The following TEX10 variants were observed in gnomAD, a reference collection of about 807,000 sequenced individuals.
The protein encoded by TEX10 is testis-expressed protein 10.
In TEX10, 24 loss-of-function variants were observed where a neutral mutation model predicts 104.4. The ratio of observed to expected loss-of-function variants is 0.23; its 90% CI spans 0.17 to 0.32. The LOEUF is 0.32. TEX10 is among the 10% of genes least tolerant of loss of function. The pLI is 1.00. For missense variants in TEX10, 921 were observed against 1,083.9 expected, an observed-to-expected ratio of 0.85 and a Z score of 2.11; for synonymous variants, 396 against 393.4, an observed-to-expected ratio of 1.01 and a Z score of -0.08.
intron 5 of TEX10, among the ~76,000 whole-genome samples, chr9:100,338,384 G>A (rs1835065187): frequency 6.6e-6 from 1 of 152,144 alleles, no homozygotes; most frequent in Non-Finnish European, 1.5e-5. Flanking sequence ...GCCCTATGGG[G>A]TTCTTGCTCT....
intron 2 of TEX10, among the ~76,000 whole-genome samples, chr9:100,348,961 GAAAC>G (rs2118940814): frequency 6.6e-6 from 1 of 152,266 alleles, no homozygotes; most frequent in East Asian, 1.9e-4. Context: ...ATACCAGGGA[GAAAC>G]AACTGTGCAT....
At chr9:100,346,025 A>G (rs1835291182) in intron 4 of TEX10, 47 bp downstream of exon 4, 1 of 1,550,302 alleles carries the variant, frequency 6.5e-7, no homozygotes, top group Non-Finnish European at 8.7e-7. Context: ...GCCATTTATG[A>G]TAAAAGGCTA....
chr9:100,335,692 A>G (rs1367105127), intron 5 of TEX10, among the ~76,000 whole-genome samples: 2 of 151,950 alleles, frequency 1.3e-5, no homozygotes, highest in Non-Finnish European at 2.9e-5. Context: ...CTTTCGTATC[A>G]TTAGTGCAAA....
At chr9:100,351,680 A>G (rs1835453706) in intron 1 of TEX10, among the ~76,000 whole-genome samples, 1 of 152,210 alleles carries the variant, frequency 6.6e-6, no homozygotes, top group African/African-American at 2.4e-5. Flanking sequence ...CATATTATCT[A>G]TCGCTTTGTA....
chr9:100,304,184 T>G, intron 13 of TEX10: 1 of 312,616 alleles, frequency 3.2e-6, no homozygotes, highest in Non-Finnish European at 6.2e-6. Flanking sequence ...CAAAGCAACC[T>G]ACAGATTCAA....
In TEX10 at chr9:100,340,402, A is replaced by G. The variant is rs762252300; in HGVS notation, c.1138-33T>C. ...AATAGCAAAGATTAGAAAAATCTAC[A>G]AGAAAAAATGTAAAATAAGCAATAA... On this transcript the variant is annotated intron_variant, in intron 4 of 14. Coordinates refer to ENST00000374902, the MANE Select transcript of TEX10 (RefSeq NM_017746.4). The G allele has an allele frequency of 2.1e-5, 28 of 1,330,030 alleles. No individual in the cohort carries two copies. In the South Asian group the frequency reaches 4.0e-4, roughly 19 times the overall value. The allele number at this position is 1,330,030 out of a possible 1,614,324, so 82.4% of individuals were successfully genotyped here.
At chr9:100,319,040 A>G (rs1302487229) in intron 11 of TEX10, among the ~76,000 whole-genome samples, 5 of 152,118 alleles carry the variant, frequency 3.3e-5, no homozygotes, top group Admixed American at 6.5e-5. Context: ...AAATACAAAA[A>G]AATTAGCCAG....
rs898635919 is a variant in TEX10 at position 100,329,914 on chromosome 9, A to G, written c.1489+17T>C. ...AAGAGCTCCACTCTTAAATAAGGGC[A>G]AAGTAGCATCACCTACCTCTGTTTG... is the stretch of plus-strand genomic sequence containing the variant. On this transcript the variant is annotated intron_variant, in intron 6 of 14. Transcript: ENST00000374902. The G allele has an allele frequency of 1.3e-6, 2 of 1,589,980 alleles. No individual in the cohort carries two copies. Among genetic ancestry groups the G allele is most frequent in the African/African-American group, 2.7e-5 (2 of 74,238 alleles).
chr9:100,320,443 A>G, intron 10 of TEX10, 45 bp from the exon 11 acceptor site: 1 of 1,547,316 alleles, frequency 6.5e-7, no homozygotes, highest in Non-Finnish European at 8.7e-7. Context: ...AACAAAAAAC[A>G]AAAAACAATG....
intron 5 of TEX10, among the ~76,000 whole-genome samples, chr9:100,331,154 G>A (rs1834853046): frequency 6.6e-6 from 1 of 152,106 alleles, no homozygotes; most frequent in Admixed American, 6.5e-5. Context: ...CCAGCTACTT[G>A]GGAGGCTGAG....
Position 100,303,828 on chromosome 9 carries a change from C to T in TEX10, c.2480G>A (p.Gly827Glu). Residue 827 changes from glycine to glutamate, a missense_variant, in exon 14 of 15, where the codon GGG (glycine) becomes GAG (glutamate). Physicochemically the swap from Gly to Glu is moderately conservative, Grantham distance 98. This residue lies in a region of TEX10 where 753 missense variants were observed against 868.4 expected (regional missense o/e 0.87). Transcript: ENST00000374902. ...GAGAGCCAGGATGGAGACACAGACC[C>T]CCCACAGCTTGTCCCTACAATAACA... ...EHLRKRDKLW[G>E]VCVSILALLP... The T allele has an allele frequency of 6.2e-7, 1 of 1,613,904 alleles. No individual in the cohort carries two copies. Among genetic ancestry groups the T allele is most frequent in the Non-Finnish European group, 8.5e-7 (1 of 1,179,992 alleles).
chr9:100,336,768 C>T (rs1835021255), intron 5 of TEX10, among the ~76,000 whole-genome samples: 2 of 152,136 alleles, frequency 1.3e-5, no homozygotes, highest in African/African-American at 4.8e-5. Flanking sequence ...TGGTTGGGGA[C>T]CGTTGGCCTA....
At chr9:100,310,479 C>T (rs1834249130) in intron 11 of TEX10, 100 bp from the exon 12 acceptor site, 1 of 1,148,848 alleles carries the variant, frequency 8.7e-7, no homozygotes, top group African/African-American at 1.5e-5. Context: ...CACTCTGTCG[C>T]CCAGGCTGGA....
intron 11 of TEX10, among the ~76,000 whole-genome samples, chr9:100,311,342 G>A (rs995442393): frequency 6.6e-6 from 1 of 152,180 alleles, no homozygotes; most frequent in African/African-American, 2.4e-5. Context: ...CTGCACTGCA[G>A]TAAGCCATAA....
chr9:100,347,436 A>G, intron 2 of TEX10, 30 bp from the exon 3 acceptor site: 1 of 1,491,812 alleles, frequency 6.7e-7, no homozygotes, highest in Non-Finnish European at 9.0e-7. Context: ...TTTTAGATGT[A>G]TACTTATATA....
chr9:100,341,515 C>CT (rs1440435534), intron 4 of TEX10, among the ~76,000 whole-genome samples: 1 of 52,294 alleles, frequency 1.9e-5, no homozygotes, highest in East Asian at 6.9e-3. Flanking sequence ...ACACTGGCAT[C>CT]ATCCTTGACT....
intron 13 of TEX10, chr9:100,307,114 G>C (rs959978413): frequency 5.3e-5 from 8 of 152,158 alleles, no homozygotes; most frequent in African/African-American, 1.9e-4. Context: ...TATATTTAAA[G>C]TGAAATACAC....
At position 100,329,921 on chromosome 9, in the gene TEX10, C is replaced by T. The variant is rs1564212383; in HGVS notation, c.1489+10G>A. The T allele has an allele frequency of 6.3e-7, 1 of 1,596,526 alleles. No individual in the cohort carries two copies. The highest frequency in any genetic ancestry group is 2.2e-5 in the East Asian group (1 of 44,668). On this transcript the variant is annotated intron_variant, in intron 6 of 14. Transcript: ENST00000374902. Reference sequence around the variant, plus strand: ...CCACTCTTAAATAAGGGCAAAGTAGCATCACCTACCTCTGTTTGGCTGTAT... The same window carrying T: ...CCACTCTTAAATAAGGGCAAAGTAGTATCACCTACCTCTGTTTGGCTGTAT...
chr9:100,327,518 A>T (rs1302358218), intron 8 of TEX10, among the ~76,000 whole-genome samples: 1 of 151,908 alleles, frequency 6.6e-6, no homozygotes, highest in Non-Finnish European at 1.5e-5. Flanking sequence ...GGAATTTTTA[A>T]GTATCAGATT....
Sources: gnomAD v4.1 joint callset for allele counts (sites outside exome capture counted in the v4.1 genomes callset) on GRCh38, gnomAD v4.1.1 for gene constraint, gnomAD v4.1.1 regional missense constraint, MANE v1.5 for transcripts, NCBI Gene and HGNC (gene_info 2026-07-23, HGNC 2026-07-21) for gene names.